Variants in SAMD4A observed in about 807,000 individuals in gnomAD.
SAMD4A encodes sterile alpha motif domain containing 4A.
In SAMD4A, 33 loss-of-function variants were observed where a neutral mutation model predicts 81.3. The observed-to-expected ratio is 0.41, with a 90% CI of 0.31 to 0.54. The LOEUF is 0.54. Ranked by LOEUF, SAMD4A falls within the 20% of genes least tolerant of loss-of-function variation. The pLI is 0.37. For synonymous variants in SAMD4A, 389 were observed against 382.1 expected (o/e 1.02, Z -0.21); for missense variants, 854 against 951.1 (o/e 0.90, Z 1.34).
chr14:54,607,689 T>C (rs997469419), intron 2 of SAMD4A, among the ~76,000 whole-genome samples: 2 of 151,876 alleles, frequency 1.3e-5, no homozygotes, highest in South Asian at 2.1e-4. Flanking sequence ...CTCCTGACCT[T>C]GTGATCCGCC....
At chr14:54,678,440 TG>T (rs1392869219) in intron 2 of SAMD4A, among the ~76,000 whole-genome samples, 1 of 23,792 alleles carries the variant, frequency 4.2e-5, no homozygotes, top group African/African-American at 1.4e-4. Flanking sequence ...CATTTGTGTG[TG>T]TGTGTGTGTG....
chr14:54,756,083 GAGA>G (rs527273878), intron 6 of SAMD4A, among the ~76,000 whole-genome samples: 166 of 152,294 alleles, frequency 1.1e-3, no homozygotes, highest in African/African-American at 3.9e-3. Context: ...AAGTGCTGCA[GAGA>G]AACCGCAGAT....
chr14:54,613,238 A>G (rs2034408756), intron 2 of SAMD4A, among the ~76,000 whole-genome samples: 1 of 152,198 alleles, frequency 6.6e-6, no homozygotes. Context: ...CAAGGAGAGC[A>G]GAGATGCTCA....
At chr14:54,571,782 A>C (rs1432589835) in intron 2 of SAMD4A, among the ~76,000 whole-genome samples, 1 of 152,170 alleles carries the variant, frequency 6.6e-6, no homozygotes, top group Non-Finnish European at 1.5e-5. Flanking sequence ...TTTTTAAAAA[A>C]ATTGATAATC....
intron 2 of SAMD4A, among the ~76,000 whole-genome samples, chr14:54,599,078 C>G (rs1321488230): frequency 6.6e-6 from 1 of 152,162 alleles, no homozygotes; most frequent in African/African-American, 2.4e-5. Context: ...CCTCGGCCTC[C>G]CAAAGTGCTA....
At chr14:54,599,057 C>T (rs1477400883) in intron 2 of SAMD4A, among the ~76,000 whole-genome samples, 4 of 152,074 alleles carry the variant, frequency 2.6e-5, no homozygotes, top group African/African-American at 4.8e-5. Context: ...TGGGCTCAAG[C>T]GATCCTCCCA....
intron 2 of SAMD4A, among the ~76,000 whole-genome samples, chr14:54,641,357 A>G (rs533474568): frequency 2.0e-5 from 3 of 152,342 alleles, no homozygotes; most frequent in African/African-American, 2.4e-5. Context: ...TTTTGGTGCT[A>G]TGAGTATATG....
rs2039268387 is a variant in SAMD4A, at chr14:54,792,112, C to T, written c.*3168C>T. On this transcript the variant is annotated 3_prime_UTR_variant, in exon 13 of 13. Coordinates refer to ENST00000554335, the MANE Select transcript of SAMD4A (RefSeq NM_015589.6). ...GAAACAGTAGGAAGAAACACATGAA[C>T]TGTGTACAAGACATGAAACATTGCT... The T allele has an allele frequency of 6.6e-6, 1 of 152,206 alleles. No homozygotes were observed. Among genetic ancestry groups the T allele is most frequent in the South Asian group, 2.1e-4 (1 of 4,830 alleles). The allele number at this position is 152,206 out of a possible 1,614,324, so 9.4% of individuals were successfully genotyped here.
chr14:54,707,824 G>C (rs1345293461), intron 3 of SAMD4A, among the ~76,000 whole-genome samples: 1 of 152,056 alleles, frequency 6.6e-6, no homozygotes, highest in Non-Finnish European at 1.5e-5. Flanking sequence ...TGACTTGCTA[G>C]GGGGAAAAAC....
intron 3 of SAMD4A, among the ~76,000 whole-genome samples, chr14:54,725,416 A>G (rs932796197): frequency 6.6e-6 from 1 of 152,250 alleles, no homozygotes; most frequent in Non-Finnish European, 1.5e-5. Context: ...CTTACCAGGA[A>G]AAGCAGAAGT....
Position 54,568,021 on chromosome 14 carries a change from G to A in SAMD4A, c.105G>A (p.Gln35=). 2 of 1,606,578 alleles carry A rather than the reference G, an allele frequency of 1.2e-6. No homozygotes were observed. The highest frequency in any genetic ancestry group is 1.3e-5 in the African/African-American group (1 of 74,864). ...TGTCGCTGCTCAAGCGCGTGAGCCA[G>A]ACCCAGGCCCGCTTCCTCCAGCTCT... ...ALLSLLKRVS[Q]TQARFLQLCL... is the part of the protein sequence containing the mutation. The change falls in exon 2 of 13, where the codon CAG becomes CAA. Residue 35 remains glutamine, a synonymous_variant. Transcript: ENST00000554335.
intron 2 of SAMD4A, among the ~76,000 whole-genome samples, chr14:54,683,359 T>A (rs2036175757): frequency 6.6e-6 from 1 of 152,202 alleles, no homozygotes; most frequent in African/African-American, 2.4e-5. Context: ...GGCAGTCACA[T>A]AGGATTTCTA....
chr14:54,771,222 GTTAT>G (rs2038696415), intron 9 of SAMD4A, among the ~76,000 whole-genome samples: 1 of 152,082 alleles, frequency 6.6e-6, no homozygotes. Flanking sequence ...ATATATAACG[GTTAT>G]TTATTAAACA....
At chr14:54,755,581 C>T (rs1055386767) in intron 6 of SAMD4A, among the ~76,000 whole-genome samples, 3 of 152,082 alleles carry the variant, frequency 2.0e-5, no homozygotes, top group African/African-American at 4.8e-5. Flanking sequence ...GGAAGTGTCA[C>T]GTACAATGGA....
intron 2 of SAMD4A, among the ~76,000 whole-genome samples, chr14:54,573,065 G>A (rs932919288): frequency 6.6e-6 from 1 of 152,300 alleles, no homozygotes; most frequent in East Asian, 1.9e-4. Context: ...GTGAAAAGAA[G>A]AAATCATTTT....
At position 54,568,112 on chromosome 14, in the gene SAMD4A, G is replaced by A; in HGVS notation, c.196G>A (p.Gly66Arg). The change falls in exon 2 of 13, where the codon GGA becomes AGA. Residue 66 changes from glycine (G) to arginine (R), a missense_variant and splice_region_variant. Gly to Arg is a moderately radical substitution (Grantham distance 125). Coordinates refer to ENST00000554335, the MANE Select transcript of SAMD4A (RefSeq NM_015589.6). ...HVLEREANSP[G>R]IINQWQQESK... ...CCTCGAACGCGAGGCCAACAGCCCC[G>A]GTAAGTGTGCGGCGGCCGCCGCCGC... 6.6e-7 allele frequency: 1 copy of A among 1,511,754 alleles called. No homozygotes were observed. Among genetic ancestry groups the A allele is most frequent in the Non-Finnish European group, 8.8e-7 (1 of 1,137,980 alleles). The allele number at this position is 1,511,754 out of a possible 1,614,324, so 93.6% of individuals were successfully genotyped here. A position where few individuals can be genotyped will look rare whatever the true frequency, so the allele number is the denominator to read the frequency against.
intron 2 of SAMD4A, among the ~76,000 whole-genome samples, chr14:54,587,944 T>C (rs754075038): frequency 6.6e-6 from 1 of 152,216 alleles, no homozygotes; most frequent in Non-Finnish European, 1.5e-5. Flanking sequence ...TCTTTTGGAA[T>C]AGTGTCAATA....
intron 8 of SAMD4A, among the ~76,000 whole-genome samples, chr14:54,765,805 C>G (rs1010457479): frequency 6.6e-6 from 1 of 152,062 alleles, no homozygotes; most frequent in Non-Finnish European, 1.5e-5. Flanking sequence ...CCTGTGCTAT[C>G]GAAGTTCTCA....
At chr14:54,699,849 T>G (rs1375817080) in intron 2 of SAMD4A, among the ~76,000 whole-genome samples, 1 of 152,148 alleles carries the variant, frequency 6.6e-6, no homozygotes, top group Non-Finnish European at 1.5e-5. Flanking sequence ...TTCTGAGTCT[T>G]TCATTATTCT....
Sources: gnomAD v4.1 joint callset for allele counts (sites outside exome capture counted in the v4.1 genomes callset) on GRCh38, gnomAD v4.1.1 for gene constraint, MANE v1.5 for transcripts, NCBI Gene and HGNC (gene_info 2026-07-23, HGNC 2026-07-21) for gene names.